Variants in EGF observed in about 807,000 individuals in gnomAD.
EGF encodes pro-epidermal growth factor.
In EGF, 95 loss-of-function variants were observed where a neutral mutation model predicts 143.8. The observed-to-expected ratio is 0.66, with a 90% CI of 0.56 to 0.78. The LOEUF (loss-of-function observed/expected upper bound fraction) is 0.78. EGF is among the 30% of genes least tolerant of loss of function. The probability of loss-of-function intolerance (pLI) is 0.00; values close to 1 mark genes in which losing one functional copy is unlikely to be tolerated. For synonymous variants in EGF, 510 were observed against 510.5 expected, an observed-to-expected ratio of 1.00 and a Z score of 0.01; for missense variants, 1,320 against 1,470.9, an observed-to-expected ratio of 0.90 and a Z score of 1.68.
chr4:110,008,016 C>A, intron 22 of EGF, 136 bp from the exon 23 acceptor site: 1 of 805,530 alleles, frequency 1.2e-6, no homozygotes, highest in Non-Finnish European at 2.1e-6. Flanking sequence ...GAAAGACTAA[C>A]TTCACAGGGC....
In EGF at chr4:109,993,260, C is replaced by T. The variant is rs1048145922; in HGVS notation, c.2748C>T (p.Cys916=). 2 of 1,613,728 alleles carry T rather than the reference C, an allele frequency of 1.2e-6. No individual in the cohort carries two copies. Among genetic ancestry groups the T allele is most frequent in the East Asian group, 2.2e-5 (1 of 44,862 alleles). ...DGIHCLDIDE[C]QLGEHSCGEN... is the part of the protein sequence containing the mutation. ...CTTTTCTGACAGATATTGATGAGTG[C>T]CAACTGGGGGAGCACAGCTGTGGAG... Residue 916 remains cysteine, a synonymous_variant, in exon 19 of 24, where the codon TGC becomes TGT. Coordinates refer to ENST00000265171, the MANE Select transcript of EGF (RefSeq NM_001963.6).
intron 16 of EGF, among the ~76,000 whole-genome samples, chr4:109,987,390 A>G (rs1750286014): frequency 6.6e-6 from 1 of 151,650 alleles, no homozygotes; most frequent in African/African-American, 2.4e-5. Flanking sequence ...GGCCGCATCA[A>G]CCTCCTGATT....
At chr4:109,927,449 G>T (rs1738879397) in intron 1 of EGF, among the ~76,000 whole-genome samples, 1 of 152,118 alleles carries the variant, frequency 6.6e-6, no homozygotes, top group South Asian at 2.1e-4. Flanking sequence ...TCCAGGCCGG[G>T]CGCAGTGGCT....
chr4:109,987,143 T>A (rs889051671), intron 16 of EGF, among the ~76,000 whole-genome samples: 3 of 152,218 alleles, frequency 2.0e-5, no homozygotes, highest in African/African-American at 7.2e-5. Context: ...TTTGAGTCTA[T>A]TTGCTTCTAG....
chr4:109,933,417 T>G (rs543035504), intron 1 of EGF, among the ~76,000 whole-genome samples: 2 of 137,220 alleles, frequency 1.5e-5, no homozygotes, highest in South Asian at 4.9e-4. Context: ...TAGCATTTCT[T>G]TTTTTTCTTT....
At chr4:109,993,194 C>A in intron 18 of EGF, 53 bp from the exon 19 acceptor site, 1 of 1,609,938 alleles carries the variant, frequency 6.2e-7, no homozygotes, top group Non-Finnish European at 8.5e-7. Context: ...AACTATAAAA[C>A]CCTCTTTTTC....
chr4:109,987,669 T>G (rs1750331134), intron 16 of EGF, 75 bp from the exon 17 acceptor site: 2 of 1,227,448 alleles, frequency 1.6e-6, no homozygotes, highest in South Asian at 1.2e-5. Flanking sequence ...GACTGTTCTG[T>G]AGAACCAGAA....
At chr4:109,983,621 C>A in intron 16 of EGF, 80 bp downstream of exon 16, 1 of 1,588,076 alleles carries the variant, frequency 6.3e-7, no homozygotes, top group Non-Finnish European at 8.6e-7. Flanking sequence ...AATTACCTTT[C>A]TAACTTAATA....
intron 22 of EGF, 64 bp downstream of exon 22, chr4:110,004,686 T>C: frequency 6.8e-7 from 1 of 1,474,042 alleles, no homozygotes; most frequent in Non-Finnish European, 9.5e-7. Flanking sequence ...TCATTTTTTC[T>C]ATTTTTTCAC....
In EGF at chr4:110,011,521, A is replaced by G; in HGVS notation, c.*66A>G. Reference sequence around the variant, plus strand: ...TCGATGCACAGTATCTTTTCTTTCAAAAGTAGAGCAAAACTATAGGTTTTG... The same window carrying G: ...TCGATGCACAGTATCTTTTCTTTCAGAAGTAGAGCAAAACTATAGGTTTTG... On this transcript the variant is annotated 3_prime_UTR_variant, in exon 24 of 24. Transcript: ENST00000265171. The G allele has an allele frequency of 6.2e-7, 1 of 1,611,798 alleles. No individual in the cohort carries two copies. Among genetic ancestry groups the G allele is most frequent in the Non-Finnish European group, 8.5e-7 (1 of 1,179,388 alleles).
intron 10 of EGF, chr4:109,968,688 CT>C: frequency 2.4e-6 from 1 of 409,826 alleles, no homozygotes; most frequent in Non-Finnish European, 4.5e-6. Flanking sequence ...ATCTATCTAT[CT>C]ATCTATCTAT....
chr4:110,006,323 T>C (rs1560774366), intron 22 of EGF, among the ~76,000 whole-genome samples: 1 of 151,710 alleles, frequency 6.6e-6, no homozygotes, highest in Non-Finnish European at 1.5e-5. Flanking sequence ...CCAGCCTGAG[T>C]GACAGACTGA....
At chr4:109,979,841 T>A in intron 13 of EGF, 131 bp from the exon 14 acceptor site, 1 of 1,084,872 alleles carries the variant, frequency 9.2e-7, no homozygotes, top group Non-Finnish European at 1.3e-6. Flanking sequence ...GGTGGCTCAC[T>A]CATAACTTGC....
intron 22 of EGF, 26 bp from the exon 23 acceptor site, chr4:110,008,126 C>G (rs1236158560): frequency 6.3e-7 from 1 of 1,596,102 alleles, no homozygotes; most frequent in Non-Finnish European, 8.6e-7. Flanking sequence ...ACAATATCCT[C>G]TCTCCCTCCT....
At chr4:109,988,106 AG>A (rs1231165032) in intron 17 of EGF, among the ~76,000 whole-genome samples, 4 of 152,272 alleles carry the variant, frequency 2.6e-5, no homozygotes, top group African/African-American at 7.2e-5. Context: ...GTTGTCATTA[AG>A]GGGAAGAATT....
intron 1 of EGF, among the ~76,000 whole-genome samples, chr4:109,915,029 C>T (rs1389850494): frequency 6.6e-6 from 1 of 152,198 alleles, no homozygotes; most frequent in Non-Finnish European, 1.5e-5. Context: ...TTATGGATGG[C>T]TCTAGGATCT....
At chr4:109,997,061 C>T (rs1411850017) in intron 20 of EGF, among the ~76,000 whole-genome samples, 5 of 151,842 alleles carry the variant, frequency 3.3e-5, no homozygotes, top group Non-Finnish European at 4.4e-5. Flanking sequence ...CCTGAGCATT[C>T]GGGGAGCAGA....
chr4:109,935,803 C>T (rs2125987976), intron 1 of EGF, among the ~76,000 whole-genome samples: 1 of 152,204 alleles, frequency 6.6e-6, no homozygotes, highest in South Asian at 2.1e-4. Context: ...TTGAGATAAT[C>T]GTGTGGTTTT....
chr4:109,953,498 C>A (rs575894063), intron 5 of EGF, among the ~76,000 whole-genome samples: 24 of 152,280 alleles, frequency 1.6e-4, no homozygotes, highest in African/African-American at 5.5e-4. Flanking sequence ...GTGTTCGATC[C>A]TATTTCTTAA....
Sources: allele counts gnomAD v4.1 joint callset (sites outside exome capture counted in the v4.1 genomes callset), GRCh38; gene constraint gnomAD v4.1.1; transcripts MANE v1.5; gene names NCBI Gene and HGNC (gene_info 2026-07-23, HGNC 2026-07-21).